Variants in LRRC37B observed in about 807,000 individuals in gnomAD.
LRRC37B encodes the protein leucine-rich repeat-containing protein 37B.
LRRC37B carries 28 observed loss-of-function variants against 98.3 expected under a neutral mutation model. That is an observed-to-expected ratio of 0.28 (90% confidence interval 0.21 to 0.39). The LOEUF (loss-of-function observed/expected upper bound fraction) is 0.39. LRRC37B is among the 10% of genes least tolerant of loss of function. The pLI, the probability that LRRC37B is intolerant of heterozygous loss-of-function variation, is 1.00. For synonymous variants in LRRC37B, 364 were observed against 442.7 expected (o/e 0.82, Z 2.23); for missense variants, 938 against 1,182.7 (o/e 0.79, Z 3.03).
At position 32,048,914 on chromosome 17, in the gene LRRC37B, A is replaced by G. The variant is rs2142262966; in HGVS notation, c.2465-188A>G. On this transcript the variant is annotated intron_variant, in intron 9 of 11. Transcript: ENST00000327564. ...AACTAATGTAAAAGACACAAAAGAG[A>G]TGTGTTCAAAGACACATCTCTGAAA... 1.6e-5 allele frequency: 22 copies of G among 1,401,238 alleles called. 1 individual carries two copies. In the South Asian group the frequency reaches 2.5e-4, roughly 16 times the overall value. The allele number at this position is 1,401,238 out of a possible 1,614,324, so 86.8% of individuals were successfully genotyped here. A position where few individuals can be genotyped will look rare whatever the true frequency, so the allele number is the denominator to read the frequency against.
chr17:32,037,246 G>T (rs1397086681), intron 7 of LRRC37B, among the ~76,000 whole-genome samples: 1 of 151,998 alleles, frequency 6.6e-6, no homozygotes, highest in Non-Finnish European at 1.5e-5. Flanking sequence ...CTCCCAAAGT[G>T]CTGTGGTTAC....
intron 2 of LRRC37B, among the ~76,000 whole-genome samples, chr17:32,025,076 C>A (rs1910915663): frequency 1.4e-5 from 1 of 73,042 alleles, no homozygotes; most frequent in African/African-American, 5.3e-5. Flanking sequence ...TTACTTTGTC[C>A]CCTGGGCTGG....
chr17:32,043,516 G>A (rs919363596), intron 7 of LRRC37B, among the ~76,000 whole-genome samples: 1 of 152,212 alleles, frequency 6.6e-6, no homozygotes, highest in African/African-American at 2.4e-5. Context: ...AGCCGAGATT[G>A]CACCACTGCA....
At chr17:32,040,691 G>A (rs1351190196) in intron 7 of LRRC37B, 3 of 780,370 alleles carry the variant, frequency 3.8e-6, no homozygotes, top group Non-Finnish European at 7.1e-6. Context: ...ACCCGCAGTT[G>A]GAGGGGCTCC....
intron 7 of LRRC37B, among the ~76,000 whole-genome samples, chr17:32,038,596 C>A (rs1231358536): frequency 6.6e-6 from 1 of 152,214 alleles, no homozygotes; most frequent in Non-Finnish European, 1.5e-5. Context: ...GTGACTCACA[C>A]CTGTAATCAC....
At chr17:32,039,601 TTATA>T (rs200331701) in intron 7 of LRRC37B, among the ~76,000 whole-genome samples, 1 of 133,228 alleles carries the variant, frequency 7.5e-6, no homozygotes, top group Non-Finnish European at 1.6e-5. Flanking sequence ...TTTATATATA[TTATA>T]TATATATATA....
At chr17:32,023,813 G>A (rs561010736) in intron 1 of LRRC37B, among the ~76,000 whole-genome samples, 69 of 152,264 alleles carry the variant, frequency 4.5e-4, no homozygotes, top group Admixed American at 3.5e-3. Context: ...GCTATTGTCC[G>A]CAGAACATTA....
intron 2 of LRRC37B, among the ~76,000 whole-genome samples, chr17:32,026,614 A>T (rs1236464499): frequency 6.6e-6 from 1 of 152,126 alleles, no homozygotes; most frequent in Non-Finnish European, 1.5e-5. Context: ...TTTTGAGTAG[A>T]GACAGAGTTT....
intron 7 of LRRC37B, chr17:32,036,182 G>A (rs574199624): frequency 6.2e-4 from 95 of 153,616 alleles, no homozygotes; most frequent in Non-Finnish European, 1.2e-3. Flanking sequence ...CATATTTTTA[G>A]TAGAGATGAA....
At position 32,014,135 on chromosome 17, in the gene LRRC37B, G is replaced by A. The variant is rs1370886769; in HGVS notation, c.-190-3837G>A. On this transcript the variant is annotated intron_variant, in intron 1 of 14. Coordinates refer to the LRRC37B transcript ENST00000543378. ...TATTTCAACTGCCTATGTTGTCCCC[G>A]ATAAACTCCACATTGTAGGAAATAA... 6.6e-5 allele frequency among the ~76,000 whole-genome samples: 10 copies of A among 152,004 alleles called. No homozygotes were observed. The East Asian group carries it at 1.9e-3, about 29-fold the overall frequency.
intron 4 of LRRC37B, among the ~76,000 whole-genome samples, 189 bp downstream of exon 7, chr17:32,030,916 CAGAG>C (rs1433906596): frequency 6.6e-6 from 1 of 152,080 alleles, no homozygotes; most frequent in Admixed American, 6.6e-5. Context: ...AGTGAATCAT[CAGAG>C]AGCAGTGGTT....
upstream of LRRC37B, chr17:32,007,919 A>G: frequency 1.5e-6 from 1 of 665,292 alleles, no homozygotes; most frequent in Non-Finnish European, 2.0e-6. This position sits in a 1 kb window ranked among gnomAD's most constrained non-coding sequence, Gnocchi z 4.1. Context: ...CGCAGCCCGG[A>G]GGGCTGTCAA....
intron 7 of LRRC37B, chr17:32,035,983 T>G (rs536974897): frequency 4.5e-5 from 10 of 221,674 alleles, no homozygotes; most frequent in South Asian, 1.4e-4. Context: ...CCTCTTGTGT[T>G]TGACTTCTTT....
At chr17:32,041,851 C>T (rs574382753) in intron 7 of LRRC37B, 59 of 458,976 alleles carry the variant, frequency 1.3e-4, no homozygotes, top group African/African-American at 1.1e-3. Flanking sequence ...CTCTCAGAAA[C>T]ACTAATGTTC....
At chr17:32,018,785 G>A (rs1347283548), upstream of LRRC37B, among the ~76,000 whole-genome samples, 2 of 152,110 alleles carry the variant, frequency 1.3e-5, no homozygotes, top group African/African-American at 4.8e-5. Context: ...ACCTTGGGTG[G>A]ACTATTTTGC....
upstream of LRRC37B, chr17:32,016,870 A>G (rs1408600688): frequency 6.6e-6 from 1 of 152,226 alleles, no homozygotes; most frequent in East Asian, 1.9e-4. Flanking sequence ...ATGTGATAGT[A>G]TCAATCCCTT....
intron 2 of LRRC37B, 84 bp downstream of exon 5, chr17:32,024,866 C>G (rs35026693): frequency 6.5e-7 from 1 of 1,530,236 alleles, no homozygotes; most frequent in East Asian, 2.3e-5. Context: ...GTCCATACCT[C>G]TGAGAAAAGA....
intron 2 of LRRC37B, among the ~76,000 whole-genome samples, chr17:32,027,531 GTGTGTGTGTGTGCCTGCAAA>G (rs913674298): frequency 6.6e-6 from 1 of 151,136 alleles, no homozygotes; most frequent in African/African-American, 2.4e-5. Flanking sequence ...GTGTGCTTGT[GTGTGTGTGTGTGCCTGCAAA>G]TGTGTGTGTG....
intron 7 of LRRC37B, among the ~76,000 whole-genome samples, chr17:32,044,757 G>A (rs572930919): frequency 2.2e-4 from 33 of 152,246 alleles, no homozygotes; most frequent in Non-Finnish European, 3.8e-4. Flanking sequence ...TGGGGTGGTG[G>A]TGCAAGCCTA....
Sources: allele counts gnomAD v4.1 joint callset (sites outside exome capture counted in the v4.1 genomes callset), GRCh38; gene constraint gnomAD v4.1.1; non-coding constraint Gnocchi (gnomAD v3.1); transcripts MANE v1.5; gene names NCBI Gene and HGNC (gene_info 2026-07-23, HGNC 2026-07-21).